Variants in GPC5 observed in about 807,000 individuals in gnomAD.
The protein encoded by GPC5 is glypican 5.
A neutral mutation model predicts 53.9 loss-of-function variants in GPC5; 47 were observed. The ratio of observed to expected loss-of-function variants is 0.87; its 90% CI spans 0.69 to 1.11. The LOEUF (loss-of-function observed/expected upper bound fraction) is 1.11, where lower values mean the gene tolerates loss of function less well. GPC5 is among the 50% of genes most tolerant of loss of function. The pLI is 0.00. For missense variants in GPC5, 748 were observed against 713.1 expected, an observed-to-expected ratio of 1.05 and a Z score of -0.56; for synonymous variants, 286 against 263.3, an observed-to-expected ratio of 1.09 and a Z score of -0.84.
At chr13:92,688,286 A>C (rs1276196951) in intron 7 of GPC5, among the ~76,000 whole-genome samples, 3 of 90,786 alleles carry the variant, frequency 3.3e-5, no homozygotes, top group South Asian at 6.3e-4. Flanking sequence ...TTCCTGGTTT[A>C]GTCTTGGGAG....
At chr13:92,666,778 A>C (rs1886582465) in intron 7 of GPC5, among the ~76,000 whole-genome samples, 1 of 152,340 alleles carries the variant, frequency 6.6e-6, no homozygotes, top group African/African-American at 2.4e-5. Flanking sequence ...ATATTTCTTA[A>C]ATTTCCAGTA....
At chr13:91,749,978 T>G (rs1055931097) in intron 4 of GPC5, among the ~76,000 whole-genome samples, 16 of 152,066 alleles carry the variant, frequency 1.1e-4, no homozygotes, top group African/African-American at 2.4e-5. Context: ...CCCGGCTAAT[T>G]TTTGTATTTT....
chr13:91,755,144 T>C (rs757000798), intron 4 of GPC5, among the ~76,000 whole-genome samples: 4 of 151,882 alleles, frequency 2.6e-5, no homozygotes, highest in Non-Finnish European at 5.9e-5. Context: ...CAAAAAATAA[T>C]AGGAGAGAGA....
chr13:92,866,204 T>G, intron 7 of GPC5, 78 bp from the exon 8 acceptor site: 1 of 1,286,006 alleles, frequency 7.8e-7, no homozygotes, highest in Non-Finnish European at 1.1e-6. Flanking sequence ...TGTCCACACT[T>G]TGAGTTTAAG....
At chr13:92,342,332 G>A (rs573786343) in intron 7 of GPC5, among the ~76,000 whole-genome samples, 10 of 152,190 alleles carry the variant, frequency 6.6e-5, no homozygotes, top group Non-Finnish European at 1.3e-4. Flanking sequence ...GCTACTGGGG[G>A]ACATTGTTCA....
chr13:91,522,469 C>T (rs888889024), intron 2 of GPC5, among the ~76,000 whole-genome samples: 25 of 152,206 alleles, frequency 1.6e-4, no homozygotes, highest in Admixed American at 3.3e-4. Context: ...CCCATAGCTG[C>T]GCACTCTTTT....
chr13:92,549,013 T>A (rs1227316562), intron 7 of GPC5, among the ~76,000 whole-genome samples: 3 of 152,158 alleles, frequency 2.0e-5, no homozygotes, highest in Non-Finnish European at 4.4e-5. Flanking sequence ...TGATAAAATA[T>A]CTCCAATGGG....
intron 3 of GPC5, among the ~76,000 whole-genome samples, chr13:91,718,375 G>T (rs539846043): frequency 3.3e-5 from 5 of 152,130 alleles, no homozygotes; most frequent in Non-Finnish European, 7.4e-5. Flanking sequence ...CTCCCAAAGT[G>T]CTGGGATTAC....
chr13:92,821,110 T>C (rs1479930898), intron 7 of GPC5, among the ~76,000 whole-genome samples: 1 of 152,176 alleles, frequency 6.6e-6, no homozygotes, highest in African/African-American at 2.4e-5. Flanking sequence ...GTGTCCACTG[T>C]TTCCATGACC....
At chr13:91,456,487 A>ATTTTT (rs1453498590) in intron 2 of GPC5, among the ~76,000 whole-genome samples, 1 of 151,934 alleles carries the variant, frequency 6.6e-6, no homozygotes, top group Non-Finnish European at 1.5e-5. Context: ...AAAGTTAATA[A>ATTTTT]TTTTTTTAAG....
chr13:91,407,566 T>C (rs1339161385), intron 1 of GPC5, among the ~76,000 whole-genome samples: 1 of 152,062 alleles, frequency 6.6e-6, no homozygotes, highest in East Asian at 1.9e-4. Context: ...TATTACTTGA[T>C]TTTTTTTCTG....
chr13:91,725,552 G>A (rs1487064037), intron 3 of GPC5, among the ~76,000 whole-genome samples: 1 of 152,074 alleles, frequency 6.6e-6, no homozygotes, highest in African/African-American at 2.4e-5. Context: ...AAATTTACTT[G>A]CATTTATTAG....
chr13:92,576,545 C>T (rs1285892824), intron 7 of GPC5, among the ~76,000 whole-genome samples: 2 of 152,110 alleles, frequency 1.3e-5, no homozygotes, highest in African/African-American at 4.8e-5. Flanking sequence ...CTTAAATATC[C>T]TCCTTTGATG....
At chr13:91,469,192 T>A (rs1016657213) in intron 2 of GPC5, among the ~76,000 whole-genome samples, 3 of 152,078 alleles carry the variant, frequency 2.0e-5, no homozygotes, top group Admixed American at 2.0e-4. Context: ...CACTGCAATC[T>A]CTGCCTCCCG....
intron 6 of GPC5, among the ~76,000 whole-genome samples, chr13:91,946,778 A>T (rs76732084): frequency 6.6e-6 from 1 of 152,190 alleles, no homozygotes; most frequent in Non-Finnish European, 1.5e-5. Context: ...AGAAAAAAAA[A>T]TTAAAATTAA....
At chr13:92,326,434 A>G (rs2043251581) in intron 7 of GPC5, among the ~76,000 whole-genome samples, 1 of 152,072 alleles carries the variant, frequency 6.6e-6, no homozygotes. Flanking sequence ...GCCAGTGTGT[A>G]TATGTATATG....
intron 6 of GPC5, among the ~76,000 whole-genome samples, chr13:92,091,850 T>C (rs968313325): frequency 6.6e-6 from 1 of 151,854 alleles, no homozygotes; most frequent in Non-Finnish European, 1.5e-5. Context: ...CAGAGAAAGA[T>C]ATTTACGTTC....
At chr13:92,345,521 T>C (rs1397850300) in intron 7 of GPC5, among the ~76,000 whole-genome samples, 4 of 152,122 alleles carry the variant, frequency 2.6e-5, no homozygotes, top group African/African-American at 9.7e-5. Flanking sequence ...AGCTAGCAAC[T>C]ATATAAAAAC....
At chr13:92,365,749 T>C (rs184677503) in intron 7 of GPC5, among the ~76,000 whole-genome samples, 1 of 151,368 alleles carries the variant, frequency 6.6e-6, no homozygotes. Flanking sequence ...GGATCATCAA[T>C]ACCGCTTTCT....
Sources: gnomAD v4.1 joint callset for allele counts (sites outside exome capture counted in the v4.1 genomes callset) on GRCh38, gnomAD v4.1.1 for gene constraint, MANE v1.5 for transcripts, NCBI Gene and HGNC (gene_info 2026-07-23, HGNC 2026-07-21) for gene names.